Variants in MCTP1 observed in about 807,000 individuals in gnomAD.
The protein encoded by MCTP1 is multiple C2 and transmembrane domain containing 1, also known as multiple C2 and transmembrane domain-containing protein 1.
Under a neutral mutation model 120.6 loss-of-function variants are expected in MCTP1, and 69 were observed. The ratio of observed to expected loss-of-function variants is 0.57; its 90% CI spans 0.47 to 0.70. The LOEUF (loss-of-function observed/expected upper bound fraction) is 0.70. Ranked by LOEUF, MCTP1 falls within the 30% of genes least tolerant of loss-of-function variation. MCTP1 has a pLI of 0.00. For synonymous variants in MCTP1, 529 were observed against 493.1 expected (o/e 1.07, Z -0.96); for missense variants, 1,203 against 1,248.8 (o/e 0.96, Z 0.55).
At chr5:95,204,986 A>G (rs904905780) in intron 1 of MCTP1, among the ~76,000 whole-genome samples, 3 of 152,156 alleles carry the variant, frequency 2.0e-5, no homozygotes, top group Admixed American at 2.0e-4. Context: ...TGCACAAGCT[A>G]TTCCTAAAAT....
intron 2 of MCTP1, among the ~76,000 whole-genome samples, chr5:94,969,632 G>T (rs949865082): frequency 1.3e-5 from 2 of 152,088 alleles, no homozygotes; most frequent in African/African-American, 4.8e-5. Context: ...AAGAAAAAAA[G>T]CAGTGAACAC....
chr5:94,726,456 G>T (rs889006852), intron 19 of MCTP1, among the ~76,000 whole-genome samples: 2 of 152,170 alleles, frequency 1.3e-5, no homozygotes, highest in Non-Finnish European at 2.9e-5. Context: ...AATAGCACAA[G>T]TTCTGTTGCT....
intron 18 of MCTP1, among the ~76,000 whole-genome samples, chr5:94,798,640 C>G (rs887751678): frequency 2.0e-5 from 3 of 152,150 alleles, no homozygotes; most frequent in African/African-American, 7.2e-5. Flanking sequence ...AAGTAAAATA[C>G]ATTCACTTAG....
At chr5:95,265,463 T>G (rs539843656) in intron 1 of MCTP1, among the ~76,000 whole-genome samples, 2 of 152,306 alleles carry the variant, frequency 1.3e-5, no homozygotes, top group East Asian at 3.9e-4. Context: ...ACCTCTCAGG[T>G]TTGAGAACTG....
chr5:95,005,484 C>A (rs889066116), intron 2 of MCTP1, among the ~76,000 whole-genome samples: 5 of 152,096 alleles, frequency 3.3e-5, no homozygotes, highest in Non-Finnish European at 4.4e-5. Context: ...AATCTCATGT[C>A]AAATTGTAAT....
chr5:94,998,347 C>T (rs946011455), intron 2 of MCTP1, among the ~76,000 whole-genome samples: 2 of 152,122 alleles, frequency 1.3e-5, no homozygotes, highest in Non-Finnish European at 2.9e-5. Flanking sequence ...AAGAGAAAAT[C>T]GAGTAGCCAC....
At chr5:94,924,580 C>T (rs1308557480) in intron 6 of MCTP1, among the ~76,000 whole-genome samples, 2 of 152,116 alleles carry the variant, frequency 1.3e-5, no homozygotes, top group Admixed American at 1.3e-4. Context: ...AGAGAGTTGG[C>T]TATTGGACTA....
chr5:95,188,823 G>A (rs1344178793), intron 1 of MCTP1, among the ~76,000 whole-genome samples: 3 of 151,998 alleles, frequency 2.0e-5, no homozygotes, highest in Non-Finnish European at 4.4e-5. Context: ...ACACACACTC[G>A]AGTACATGTA....
At chr5:95,158,540 C>G (rs970780451) in intron 1 of MCTP1, among the ~76,000 whole-genome samples, 5 of 152,146 alleles carry the variant, frequency 3.3e-5, no homozygotes, top group Non-Finnish European at 7.4e-5. Context: ...AAAATAACAA[C>G]AAGGAATATC....
At chr5:94,736,026 T>C (rs1764149460) in intron 19 of MCTP1, among the ~76,000 whole-genome samples, 1 of 152,236 alleles carries the variant, frequency 6.6e-6, no homozygotes, top group Admixed American at 6.5e-5. Flanking sequence ...CTAACCATTA[T>C]GTATGTCCAT....
intron 1 of MCTP1, among the ~76,000 whole-genome samples, chr5:95,027,295 C>T (rs1839438787): frequency 6.6e-6 from 1 of 152,166 alleles, no homozygotes; most frequent in Non-Finnish European, 1.5e-5. Context: ...AATGTAAATC[C>T]CTTGCCCCTT....
At chr5:94,943,069 ACTC>A (rs1818108009) in intron 3 of MCTP1, among the ~76,000 whole-genome samples, 2 of 151,936 alleles carry the variant, frequency 1.3e-5, no homozygotes, top group Non-Finnish European at 2.9e-5. Context: ...GTTCTTATTC[ACTC>A]TATGGTAAGT....
Position 95,017,525 on chromosome 5 carries a change from T to C in MCTP1, c.721-41A>G, listed in dbSNP as rs748064496. 1.6e-5 allele frequency: 20 copies of C among 1,225,376 alleles called. No homozygotes were observed. In the African/African-American group the frequency reaches 2.5e-4, roughly 15 times the overall value. The allele number at this position is 1,225,376 out of a possible 1,614,324, so 75.9% of individuals were successfully genotyped here. A position where few individuals can be genotyped will look rare whatever the true frequency, so the allele number is the denominator to read the frequency against. ...TATAAAAAATATTAAATTTATTATCTCTGTTCTATTTTCTCTAAAGGGGGA... is the reference window on the plus strand; with the variant it reads ...TATAAAAAATATTAAATTTATTATCCCTGTTCTATTTTCTCTAAAGGGGGA... On this transcript the variant is annotated intron_variant, in intron 1 of 22. Coordinates refer to ENST00000515393, the MANE Select transcript of MCTP1 (RefSeq NM_024717.7).
At chr5:94,929,104 T>C (rs959531993) in intron 6 of MCTP1, among the ~76,000 whole-genome samples, 1 of 152,184 alleles carries the variant, frequency 6.6e-6, no homozygotes, top group Non-Finnish European at 1.5e-5. Flanking sequence ...CTGATTCACA[T>C]TGCAGAGCGG....
chr5:94,867,642 T>C (rs1398763924), intron 17 of MCTP1: 1 of 380,286 alleles, frequency 2.6e-6, no homozygotes, highest in Admixed American at 4.3e-5. Flanking sequence ...CAAAATAATG[T>C]GAGAGAAGAA....
chr5:94,733,797 C>T (rs866550572), intron 19 of MCTP1, among the ~76,000 whole-genome samples: 2 of 152,078 alleles, frequency 1.3e-5, no homozygotes, highest in Middle Eastern at 3.4e-3. Context: ...AACCCCGTCT[C>T]TACTAAAAAT....
chr5:95,242,672 A>G (rs1181661306), intron 1 of MCTP1, among the ~76,000 whole-genome samples: 1 of 152,200 alleles, frequency 6.6e-6, no homozygotes, highest in African/African-American at 2.4e-5. Context: ...CATCTCACTT[A>G]TATAAAATTC....
chr5:94,819,706 C>A (rs1416964124), intron 17 of MCTP1, among the ~76,000 whole-genome samples: 1 of 152,212 alleles, frequency 6.6e-6, no homozygotes, highest in African/African-American at 2.4e-5. Flanking sequence ...CTGAGTGAGT[C>A]TTCTCCATGA....
chr5:94,895,645 C>T (rs533378957), intron 10 of MCTP1, among the ~76,000 whole-genome samples: 4 of 152,284 alleles, frequency 2.6e-5, no homozygotes, highest in Admixed American at 6.5e-5. Context: ...CCATAAACTG[C>T]GTGGTCAGAG....
Sources: gnomAD v4.1 joint callset for allele counts (sites outside exome capture counted in the v4.1 genomes callset) on GRCh38, gnomAD v4.1.1 for gene constraint, MANE v1.5 for transcripts, NCBI Gene and HGNC (gene_info 2026-07-23, HGNC 2026-07-21) for gene names.